Variants in DMD observed in about 807,000 individuals in gnomAD.
DMD encodes the protein mutant dystrophin.
Under a neutral mutation model 330.1 loss-of-function variants are expected in DMD, and 63 were observed. The observed-to-expected ratio is 0.19, with a 90% CI of 0.16 to 0.24. The LOEUF (loss-of-function observed/expected upper bound fraction) is 0.24, where lower values mean the gene tolerates loss of function less well. Among genes scored for constraint, DMD ranks in the 10% least tolerant of loss-of-function variants. The pLI is 1.00. For synonymous variants in DMD, 1,223 were observed against 959.8 expected (o/e 1.27, Z -5.07); for missense variants, 3,344 against 2,684.1 (o/e 1.25, Z -5.43).
At chrX:32,445,609 T>C (rs1478122487) in intron 27 of DMD, among the ~76,000 whole-genome samples, 1 of 110,858 alleles carries the variant, frequency 9.0e-6, no homozygotes, top group African/African-American at 3.3e-5. Flanking sequence ...AGAAATATTG[T>C]TAAAGAAGCC....
In DMD at chrX:32,684,018, T is replaced by TACACACAC. The variant is rs369735561; in HGVS notation, c.960+13844_960+13851dup. On this transcript the variant is annotated intron_variant, in intron 9 of 78. Transcript: ENST00000357033. Reference sequence around the variant, plus strand: ...CAAAACACACACACACACACATACATACACACACACACACACACACACACA... The same window carrying TACACACAC: ...CAAAACACACACACACACACATACATACACACACACACACACACACACACACACACACA... Among the ~76,000 whole-genome samples the TACACACAC allele has an allele frequency of 1.8e-3, 125 of 70,916 alleles. 1 individual carries two copies. The highest frequency in any genetic ancestry group is 7.5e-3 in the African/African-American group (87 of 11,549). 61.6% of individuals were successfully genotyped at this position (70,916 alleles called of 115,157 possible).
intron 41 of DMD, among the ~76,000 whole-genome samples, chrX:32,312,974 C>A (rs185651994): frequency 1.7e-3 from 96 of 57,042 alleles, no homozygotes; most frequent in African/African-American, 4.4e-3. Flanking sequence ...AGCCCAGGAC[C>A]AGACGGATTC....
intron 44 of DMD, among the ~76,000 whole-genome samples, chrX:32,005,543 G>A (rs2095655584): frequency 9.0e-6 from 1 of 110,963 alleles, no homozygotes; most frequent in South Asian, 3.8e-4. Flanking sequence ...GTGAAGAAAT[G>A]TTGATGTAAC....
intron 1 of DMD, among the ~76,000 whole-genome samples, chrX:33,134,734 T>A: frequency 8.9e-6 from 1 of 112,018 alleles, no homozygotes; most frequent in East Asian, 2.8e-4. Context: ...ATTTGTCAGT[T>A]AAAAATAAAT....
chrX:32,719,339 A>C (rs926346486), intron 7 of DMD, among the ~76,000 whole-genome samples: 2 of 112,001 alleles, frequency 1.8e-5, no homozygotes, highest in Non-Finnish European at 3.8e-5. Context: ...ACCAAATAAA[A>C]ATCAGCACTG....
chrX:31,195,694 G>A (rs982034997), intron 67 of DMD, among the ~76,000 whole-genome samples: 6 of 107,207 alleles, frequency 5.6e-5, no homozygotes, highest in Admixed American at 1.0e-4. Flanking sequence ...GATAGAAATG[G>A]AAGGAAGAAA....
At chrX:32,462,105 A>G (rs762890102) in intron 25 of DMD, among the ~76,000 whole-genome samples, 35 of 111,641 alleles carry the variant, frequency 3.1e-4, no homozygotes, top group African/African-American at 1.1e-3. Context: ...CCAAAAAGGT[A>G]CAGTAGTTCC....
chrX:32,432,539 G>A (rs780599066), intron 29 of DMD, among the ~76,000 whole-genome samples: 2 of 111,987 alleles, frequency 1.8e-5, no homozygotes, highest in Non-Finnish European at 3.8e-5. Flanking sequence ...CCTAGCCCTT[G>A]AGAACAGAAG....
At chrX:33,100,908 T>A (rs1204941962) in intron 1 of DMD, among the ~76,000 whole-genome samples, 1 of 110,999 alleles carries the variant, frequency 9.0e-6, no homozygotes, top group East Asian at 2.8e-4. Flanking sequence ...TCCTAGGAAA[T>A]GCCTAGATTT....
intron 52 of DMD, among the ~76,000 whole-genome samples, chrX:31,725,993 T>C (rs1398822161): frequency 8.9e-6 from 1 of 112,306 alleles, no homozygotes; most frequent in Middle Eastern, 4.2e-3. Flanking sequence ...TCTTATCTGC[T>C]TTTGGTCCCC....
intron 9 of DMD, among the ~76,000 whole-genome samples, chrX:32,666,092 G>A (rs1302066265): frequency 4.5e-5 from 5 of 110,113 alleles, no homozygotes; most frequent in Admixed American, 3.9e-4. Context: ...AAGAGGGGGA[G>A]ATGACAGACT....
At chrX:32,734,457 A>C (rs1392809505) in intron 7 of DMD, among the ~76,000 whole-genome samples, 10 of 107,572 alleles carry the variant, frequency 9.3e-5, no homozygotes, top group African/African-American at 3.6e-4. Flanking sequence ...CAGAGACACA[A>C]CCAAAAAAGA....
chrX:32,083,291 T>C (rs2096407415), intron 44 of DMD, among the ~76,000 whole-genome samples: 1 of 110,854 alleles, frequency 9.0e-6, no homozygotes, highest in Non-Finnish European at 1.9e-5. Context: ...TTTTCTTTTT[T>C]TGAGATGGAG....
chrX:31,724,281 GAAC>G (rs2085830759), intron 52 of DMD, among the ~76,000 whole-genome samples: 1 of 112,528 alleles, frequency 8.9e-6, no homozygotes, highest in Non-Finnish European at 1.9e-5. Flanking sequence ...CAAATGTGGA[GAAC>G]AACAGAGCCT....
At chrX:33,248,429 A>G (rs2052707705) in intron 1 of DMD, among the ~76,000 whole-genome samples, 1 of 112,512 alleles carries the variant, frequency 8.9e-6, no homozygotes. Context: ...TGAGGAAATT[A>G]TCATTATTTT....
intron 63 of DMD, among the ~76,000 whole-genome samples, chrX:31,255,558 G>A (rs1179167487): frequency 9.0e-6 from 1 of 110,723 alleles, no homozygotes; most frequent in Non-Finnish European, 1.9e-5. Context: ...ACGGATGGGT[G>A]GCATAATCTT....
chrX:33,089,074 T>G (rs2095049785), intron 1 of DMD, among the ~76,000 whole-genome samples: 2 of 104,111 alleles, frequency 1.9e-5, no homozygotes, highest in Admixed American at 2.1e-4. Context: ...ATTTTTTTTT[T>G]TTTTTTTTTG....
rs1601831040 is a variant in DMD at position 32,904,716 on chromosome X, G to A, written c.94-54896C>T. Among the ~76,000 whole-genome samples the A allele has an allele frequency of 2.7e-5, 3 of 111,828 alleles. 1 individual carries two copies. In the Admixed American group the frequency reaches 2.8e-4, roughly 11 times the overall value. ...AGCCTCCCAAGTAGCTGGGATTACA[G>A]GCATCCACCACCACACGCCCGGCTA... On this transcript the variant is annotated intron_variant, in intron 2 of 78. Coordinates refer to ENST00000357033, the MANE Select transcript of DMD (RefSeq NM_004006.3).
intron 55 of DMD, among the ~76,000 whole-genome samples, chrX:31,592,365 T>G (rs2076915296): frequency 1.1e-5 from 1 of 93,134 alleles, no homozygotes; most frequent in African/African-American, 4.1e-5. Flanking sequence ...TATACATATA[T>G]TCTACATATA....
Sources: gnomAD v4.1 joint callset for allele counts (sites outside exome capture counted in the v4.1 genomes callset) on GRCh38, gnomAD v4.1.1 for gene constraint, MANE v1.5 for transcripts, NCBI Gene and HGNC (gene_info 2026-07-23, HGNC 2026-07-21) for gene names.